ERCC6: variants seen among roughly 807,000 people sequenced by gnomAD.
ERCC6 encodes DNA excision repair protein ERCC-6.
A neutral mutation model predicts 158.7 loss-of-function variants in ERCC6; 116 were observed. The observed-to-expected ratio is 0.73, with a 90% confidence interval of 0.63 to 0.85. The LOEUF (loss-of-function observed/expected upper bound fraction) is 0.85, where lower values mean the gene tolerates loss of function less well. Among genes scored for constraint, ERCC6 ranks in the 40% least tolerant of loss-of-function variants. The probability of loss-of-function intolerance (pLI) is 0.00; values close to 1 mark genes in which losing one functional copy is unlikely to be tolerated. For missense variants in ERCC6, 1,698 were observed against 1,799.4 expected (o/e 0.94, Z 1.02); for synonymous variants, 678 against 659.3 (o/e 1.03, Z -0.43).
In ERCC6 at chr10:49,493,956, G is replaced by A. The variant is rs4253127; in HGVS notation, c.1686-704C>T. Among the ~76,000 whole-genome samples, 727 of 152,338 alleles carry A rather than the reference G, an allele frequency of 4.8e-3. 5 individuals carry two copies. The highest frequency in any genetic ancestry group is 0.016 in the African/African-American group (660 of 41,578). On this transcript the variant is annotated intron_variant, in intron 7 of 20. Coordinates refer to ENST00000355832, the MANE Select transcript of ERCC6 (RefSeq NM_000124.4). ...GCACTGCTGTGTGGGCAGGTAGTTC[G>A]GCAGCAAAATCAAGAGCCTCAACAG...
At chr10:49,532,157 G>C (rs1349361856) in intron 2 of ERCC6, among the ~76,000 whole-genome samples, 1 of 152,330 alleles carries the variant, frequency 6.6e-6, no homozygotes, top group South Asian at 2.1e-4. Context: ...CAGTAAGCTA[G>C]AAAGAAGCTA....
At chr10:49,480,889 T>C (rs1850966722) in intron 10 of ERCC6, among the ~76,000 whole-genome samples, 1 of 152,182 alleles carries the variant, frequency 6.6e-6, no homozygotes, top group African/African-American at 2.4e-5. Flanking sequence ...TTTAAAAATG[T>C]CAAGGTAATG....
chr10:49,534,554 TG>T (rs1238210731), intron 1 of ERCC6, among the ~76,000 whole-genome samples: 1 of 152,184 alleles, frequency 6.6e-6, no homozygotes, highest in Non-Finnish European at 1.5e-5. Flanking sequence ...CAGAATGATC[TG>T]GCAGGATACA....
At chr10:49,506,495 G>C (rs757308596) in intron 5 of ERCC6, 1 of 164,232 alleles carries the variant, frequency 6.1e-6, no homozygotes, top group Non-Finnish European at 1.3e-5. Flanking sequence ...AGCAAATTTG[G>C]GGTCAAAATC....
intron 14 of ERCC6, 49 bp from the exon 15 acceptor site, chr10:49,473,077 C>A (rs1850810690): frequency 6.2e-7 from 1 of 1,613,130 alleles, no homozygotes. Flanking sequence ...AGACCAGTTA[C>A]AGTTCTCAGC....
At chr10:49,447,799 T>C in the ERCC6 span, among the ~76,000 whole-genome samples, 2 of 152,170 alleles carry the variant, frequency 1.3e-5, no homozygotes, top group African/African-American at 4.8e-5. Flanking sequence ...GAATTCCCTG[T>C]TCTGTGTATT....
rs752416390 is a variant in ERCC6 at position 49,473,976 on chromosome 10, T to C, written c.2598+51A>G. ...GATTGAATCCCATTTTGTGAGTTGA[T>C]GGCTGTCATAAAGAACCAGCCTGTT... On this transcript the variant is annotated intron_variant, in intron 13 of 20. Transcript: ENST00000355832. 6 of 1,493,370 alleles carry C rather than the reference T, an allele frequency of 4.0e-6. No individual in the cohort carries two copies. The African/African-American group carries it at 6.9e-5, about 17-fold the overall frequency. 92.5% of individuals were successfully genotyped at this position (1,493,370 alleles called of 1,614,324 possible).
At chr10:49,510,386 T>C (rs1564433761) in intron 5 of ERCC6, among the ~76,000 whole-genome samples, 1 of 152,146 alleles carries the variant, frequency 6.6e-6, no homozygotes, top group Non-Finnish European at 1.5e-5. Context: ...TGCACCTGCA[T>C]TCCTGTACTG....
intron 1 of ERCC6, among the ~76,000 whole-genome samples, chr10:49,537,600 C>G (rs1837632231): frequency 6.6e-6 from 1 of 151,692 alleles, no homozygotes; most frequent in Admixed American, 6.6e-5. Context: ...TGAGAGAAAC[C>G]AAATTGAAAT....
At chr10:49,467,136 G>A (rs1185338644) in intron 18 of ERCC6, among the ~76,000 whole-genome samples, 1 of 152,122 alleles carries the variant, frequency 6.6e-6, no homozygotes, top group Non-Finnish European at 1.5e-5. Flanking sequence ...TTTACTTGTT[G>A]GTAGACATTT....
chr10:49,470,216 G>A lies in ERCC6; in HGVS notation c.3744C>T (p.Asp1248=), dbSNP rs780209673. 16 of 1,613,970 alleles carry A rather than the reference G, an allele frequency of 9.9e-6. No individual in the cohort carries two copies. Among genetic ancestry groups the A allele is most frequent in the Middle Eastern group, 3.3e-4 (2 of 6,084 alleles). Residue 1248 remains aspartate, a synonymous_variant, in exon 18 of 21, where the codon GAC becomes GAT. Transcript: ENST00000355832. ...NKSEAKEQSN[D]DYVLEKLFKK... ...TGAAAAGCTTTTCCAAAACATAATC[G>A]TCATTGCTCTGTTCCTTGGCCTCAC...
chr10:49,485,986 T>C (rs1471833834), intron 8 of ERCC6, among the ~76,000 whole-genome samples: 1 of 152,228 alleles, frequency 6.6e-6, no homozygotes, highest in South Asian at 2.1e-4. Context: ...ATCAAAGATA[T>C]ATCAAAGAAA....
chr10:49,494,501 ATT>A (rs1851232367), intron 7 of ERCC6, among the ~76,000 whole-genome samples: 1 of 152,194 alleles, frequency 6.6e-6, no homozygotes, highest in African/African-American at 2.4e-5. Flanking sequence ...GGTTGTGGCC[ATT>A]GTCTCAACAT....
At chr10:49,538,012 G>A (rs1590501842) in intron 1 of ERCC6, among the ~76,000 whole-genome samples, 4 of 152,344 alleles carry the variant, frequency 2.6e-5, no homozygotes, top group Middle Eastern at 3.4e-3. Flanking sequence ...AGACTAGAAA[G>A]AGCTGATGCA....
chr10:49,450,660 C>A (rs542053281), downstream of ERCC6, among the ~76,000 whole-genome samples: 43 of 151,766 alleles, frequency 2.8e-4, no homozygotes, highest in South Asian at 8.5e-3. Flanking sequence ...TTATTTAGGT[C>A]TTCTTTAATT....
intron 20 of ERCC6, 85 bp from the exon 21 acceptor site, chr10:49,459,319 A>G (rs878996186): frequency 7.0e-7 from 1 of 1,436,236 alleles, no homozygotes; most frequent in South Asian, 1.1e-5. Context: ...GAAGGGTCAC[A>G]AGACAACACA....
At chr10:49,484,569 G>A (rs975478504) in intron 8 of ERCC6, among the ~76,000 whole-genome samples, 2 of 152,044 alleles carry the variant, frequency 1.3e-5, no homozygotes, top group African/African-American at 4.8e-5. Flanking sequence ...GCAAGACCCT[G>A]TCTCTACAAA....
chr10:49,479,693 C>T (rs997170582), intron 10 of ERCC6, among the ~76,000 whole-genome samples: 5 of 152,162 alleles, frequency 3.3e-5, no homozygotes, highest in African/African-American at 1.2e-4. Flanking sequence ...CTCCCTCCAC[C>T]CACACCCCCT....
chr10:49,528,546 G>A (rs767298915), intron 3 of ERCC6, 21 bp from the exon 4 acceptor site: 4 of 1,613,342 alleles, frequency 2.5e-6, no homozygotes, highest in Admixed American at 3.3e-5. Context: ...AAATATAGAA[G>A]ACAGAAAACA....
Sources: allele counts gnomAD v4.1 joint callset (sites outside exome capture counted in the v4.1 genomes callset), GRCh38; gene constraint gnomAD v4.1.1; transcripts MANE v1.5; gene names NCBI Gene and HGNC (gene_info 2026-07-23, HGNC 2026-07-21).